The following PRPF18 variants were observed in gnomAD, a reference collection of about 807,000 sequenced individuals.
PRPF18 encodes the protein pre-mRNA processing factor 18.
A neutral mutation model predicts 46.5 loss-of-function variants in PRPF18; 38 were observed. The ratio of observed to expected loss-of-function variants is 0.82; its 90% CI spans 0.63 to 1.07. The LOEUF is 1.07. Among genes scored for constraint, PRPF18 ranks in the 50% least tolerant of loss-of-function variants. The probability of loss-of-function intolerance (pLI) is 0.00; values close to 1 mark genes in which losing one functional copy is unlikely to be tolerated. For missense variants in PRPF18, 263 were observed against 410.0 expected (o/e 0.64, Z 3.10); for synonymous variants, 152 against 146.7 (o/e 1.04, Z -0.26).
chr10:13,596,458 C>G (rs1346712230), intron 1 of PRPF18, among the ~76,000 whole-genome samples: 1 of 152,098 alleles, frequency 6.6e-6, no homozygotes. Flanking sequence ...TGATCATTGT[C>G]TGAGTGAATG....
At position 13,630,376 on chromosome 10, in the gene PRPF18, T is replaced by C. The variant is rs1035780800; in HGVS notation, c.*36T>C. 1.1e-5 allele frequency: 17 copies of C among 1,519,380 alleles called. No homozygotes were observed. The African/African-American group carries it at 2.3e-4, about 21-fold the overall frequency. The allele number at this position is 1,519,380 out of a possible 1,614,324, so 94.1% of individuals were successfully genotyped here. ...TGGTGTGTTAATAACAATAAGAAAC[T>C]TAGGGAAGCAGGCTGTGGACTTCTG... On this transcript the variant is annotated 3_prime_UTR_variant, in exon 10 of 10. Transcript: ENST00000378572.
chr10:13,651,864 G>C, the PRPF18 span: 1 of 973,270 alleles, frequency 1.0e-6, no homozygotes, highest in Non-Finnish European at 1.7e-6. Context: ...TGGGACCACA[G>C]ACTCATGGGC....
the PRPF18 span, chr10:13,643,954 A>G: frequency 6.6e-6 from 1 of 152,652 alleles, no homozygotes; most frequent in Non-Finnish European, 1.5e-5. Flanking sequence ...TTATTAAACT[A>G]GAGTCCATTT....
At chr10:13,595,790 T>C (rs1364211299) in intron 1 of PRPF18, among the ~76,000 whole-genome samples, 1 of 152,216 alleles carries the variant, frequency 6.6e-6, no homozygotes, top group East Asian at 1.9e-4. Context: ...AGTCTGGAAA[T>C]GTTTATTGAA....
At chr10:13,627,486 C>T (rs1238372302) in intron 9 of PRPF18, among the ~76,000 whole-genome samples, 1 of 152,202 alleles carries the variant, frequency 6.6e-6, no homozygotes, top group Non-Finnish European at 1.5e-5. Context: ...CATTGTTTTA[C>T]TGGCTTAAGC....
intron 4 of PRPF18, among the ~76,000 whole-genome samples, chr10:13,606,754 A>AAAAAC (rs1564455228): frequency 6.6e-5 from 10 of 151,626 alleles, no homozygotes; most frequent in Non-Finnish European, 1.5e-4. Flanking sequence ...AAAAAAAAAA[A>AAAAAC]AAAACAGGGA....
At chr10:13,648,444 C>T in the PRPF18 span, among the ~76,000 whole-genome samples, 2 of 152,144 alleles carry the variant, frequency 1.3e-5, no homozygotes, top group Non-Finnish European at 2.9e-5. Flanking sequence ...TCCCTAACTC[C>T]ACGTGGTCCT....
chr10:13,622,454 G>T (rs544068778), intron 9 of PRPF18, among the ~76,000 whole-genome samples: 1 of 152,284 alleles, frequency 6.6e-6, no homozygotes, highest in South Asian at 2.1e-4. Context: ...AAAAAAGCCA[G>T]ACCAGTCTCT....
downstream of PRPF18, among the ~76,000 whole-genome samples, chr10:13,634,488 C>A (rs4748046): frequency 4.2e-3 from 641 of 152,378 alleles, 5 homozygotes; most frequent in Non-Finnish European, 6.0e-3. Flanking sequence ...CCTTAACTCA[C>A]AGTTTTACAA....
intron 5 of PRPF18, among the ~76,000 whole-genome samples, 182 bp downstream of exon 5, chr10:13,610,367 T>C (rs1169769451): frequency 6.6e-6 from 1 of 152,186 alleles, no homozygotes; most frequent in African/African-American, 2.4e-5. Flanking sequence ...ATTCCCCTAC[T>C]TCCTGCCTTC....
At chr10:13,597,421 A>T (rs375414830) in intron 1 of PRPF18, 37 bp from the exon 2 acceptor site, 246 of 1,452,250 alleles carry the variant, frequency 1.7e-4, no homozygotes, top group Non-Finnish European at 2.2e-4. Context: ...ATTTTGCTCA[A>T]GGATATATTA....
chr10:13,599,749 G>A (rs1191081585), intron 2 of PRPF18, among the ~76,000 whole-genome samples: 2 of 152,166 alleles, frequency 1.3e-5, no homozygotes, highest in Non-Finnish European at 2.9e-5. Context: ...CTTACATTTG[G>A]AATAATACGT....
intron 9 of PRPF18, among the ~76,000 whole-genome samples, chr10:13,625,637 G>A (rs956618103): frequency 1.3e-5 from 2 of 152,116 alleles, no homozygotes. Context: ...TTAATACAGC[G>A]CAAATGAATA....
chr10:13,654,650 C>T, the PRPF18 span: 1 of 623,160 alleles, frequency 1.6e-6, no homozygotes, highest in Admixed American at 2.8e-5. Flanking sequence ...GACCCCAGAG[C>T]AGGGTCTCAG....
At chr10:13,613,906 T>C (rs766832299) in intron 7 of PRPF18, 25 bp downstream of exon 7, 32 of 1,594,426 alleles carry the variant, frequency 2.0e-5, no homozygotes, top group Non-Finnish European at 2.6e-5. Flanking sequence ...AAAATACTTT[T>C]TTTAACTGAC....
intron 9 of PRPF18, among the ~76,000 whole-genome samples, chr10:13,619,314 T>C (rs1477534286): frequency 6.6e-6 from 1 of 152,256 alleles, no homozygotes; most frequent in Non-Finnish European, 1.5e-5. Flanking sequence ...TTAGTTAGTG[T>C]AAGACAAAGC....
chr10:13,654,158 G>C, the PRPF18 span: 2 of 555,320 alleles, frequency 3.6e-6, no homozygotes, highest in African/African-American at 3.8e-5. Context: ...GTCCCACTTC[G>C]TGCTTCCATC....
chr10:13,591,681 A>T, intron 1 of PRPF18: 1 of 652,942 alleles, frequency 1.5e-6, no homozygotes, highest in Non-Finnish European at 2.7e-6. Context: ...TTGAATAAGC[A>T]TCAGTGGGAT....
At chr10:13,599,515 G>A (rs1218713185) in intron 2 of PRPF18, among the ~76,000 whole-genome samples, 3 of 152,164 alleles carry the variant, frequency 2.0e-5, no homozygotes, top group Non-Finnish European at 4.4e-5. Flanking sequence ...CTTGTAAATT[G>A]CTGAATTCAG....
Sources: gnomAD v4.1 joint callset for allele counts (sites outside exome capture counted in the v4.1 genomes callset) on GRCh38, gnomAD v4.1.1 for gene constraint, MANE v1.5 for transcripts, NCBI Gene and HGNC (gene_info 2026-07-23, HGNC 2026-07-21) for gene names.